OR2L13: variants seen among roughly 807,000 people sequenced by gnomAD.
OR2L13 encodes the protein olfactory receptor 2L13.
A neutral mutation model predicts 15.3 loss-of-function variants in OR2L13; 14 were observed. The ratio of observed to expected loss-of-function variants is 0.91; its 90% CI spans 0.60 to 1.43. The LOEUF (loss-of-function observed/expected upper bound fraction) is 1.43. Among genes scored for constraint, OR2L13 ranks in the 40% most tolerant of loss-of-function variants. OR2L13 has a pLI of 0.00. For synonymous variants in OR2L13, 152 were observed against 142.9 expected, an observed-to-expected ratio of 1.06 and a Z score of -0.45; for missense variants, 367 against 387.9, an observed-to-expected ratio of 0.95 and a Z score of 0.45.
chr1:247,975,716 C>G, the OR2L13 span: 6 of 588,096 alleles, frequency 1.0e-5, no homozygotes, highest in African/African-American at 9.6e-5. Flanking sequence ...TAGCAGTGTA[C>G]AGCAGTTACG....
chr1:248,052,872 T>C, the OR2L13 span, among the ~76,000 whole-genome samples: 1 of 152,184 alleles, frequency 6.6e-6, no homozygotes, highest in South Asian at 2.1e-4. Context: ...AAAAAAAATT[T>C]ATCATTTTAA....
chr1:247,941,628 A>C, the OR2L13 span, among the ~76,000 whole-genome samples: 4 of 152,130 alleles, frequency 2.6e-5, no homozygotes, highest in Admixed American at 1.3e-4. Flanking sequence ...CCGAATGGAG[A>C]GAGATAGAGA....
chr1:248,020,376 A>C, the OR2L13 span, among the ~76,000 whole-genome samples: 1 of 152,196 alleles, frequency 6.6e-6, no homozygotes, highest in African/African-American at 2.4e-5. Flanking sequence ...AATTCAGCCA[A>C]GTTTCATGAC....
At chr1:248,071,469 A>G in the OR2L13 span, among the ~76,000 whole-genome samples, 4 of 152,228 alleles carry the variant, frequency 2.6e-5, no homozygotes, top group African/African-American at 9.6e-5. Context: ...TATTGATGGG[A>G]CATATCTCAA....
the OR2L13 span, chr1:248,022,364 G>A: frequency 2.4e-4 from 395 of 1,614,034 alleles, no homozygotes; most frequent in Non-Finnish European, 3.2e-4. Flanking sequence ...GCAAAAGAAT[G>A]TATGTGCTGA....
chr1:248,100,290 G>C, exon 3 of OR2L13: 1 of 1,605,012 alleles, frequency 6.2e-7, no homozygotes, highest in South Asian at 1.1e-5. Flanking sequence ...GAGTGTTTGG[G>C]ATATTCTCTT....
At chr1:247,981,134 A>G in the OR2L13 span, among the ~76,000 whole-genome samples, 6 of 152,274 alleles carry the variant, frequency 3.9e-5, no homozygotes, top group Admixed American at 2.0e-4. Flanking sequence ...GCTAACTCAT[A>G]AATGTGTTTT....
At chr1:247,988,502 C>T in the OR2L13 span, among the ~76,000 whole-genome samples, 5,912 of 152,084 alleles carry the variant, frequency 0.039, 357 homozygotes, top group African/African-American at 0.13. Flanking sequence ...TTGCAGGTTT[C>T]TGATCATTTT....
chr1:248,074,919 A>T, the OR2L13 span, among the ~76,000 whole-genome samples: 9 of 152,142 alleles, frequency 5.9e-5, no homozygotes, highest in African/African-American at 1.9e-4. Context: ...TATGTGCACA[A>T]TGTGCAGGTT....
At chr1:247,954,155 G>T in the OR2L13 span, among the ~76,000 whole-genome samples, 1 of 152,250 alleles carries the variant, frequency 6.6e-6, no homozygotes, top group Non-Finnish European at 1.5e-5. Context: ...AGCGGGTGAG[G>T]TGGAGGTGAT....
At chr1:247,966,132 T>A in the OR2L13 span, 1 of 1,614,188 alleles carries the variant, frequency 6.2e-7, no homozygotes, top group Non-Finnish European at 8.5e-7. Context: ...GCCTGTTCTA[T>A]GCAACCACTC....
the OR2L13 span, among the ~76,000 whole-genome samples, chr1:247,960,385 T>A: frequency 1.3e-5 from 2 of 152,050 alleles, no homozygotes; most frequent in Non-Finnish European, 2.9e-5. Context: ...TACTCAGGGG[T>A]CAGGGACCCA....
chr1:248,060,717 C>G, the OR2L13 span: 1 of 1,613,852 alleles, frequency 6.2e-7, no homozygotes. Context: ...CTGATTTCAT[C>G]TTATTAGGAT....
At chr1:247,986,473 C>T in the OR2L13 span, among the ~76,000 whole-genome samples, 1 of 152,048 alleles carries the variant, frequency 6.6e-6, no homozygotes, top group Non-Finnish European at 1.5e-5. Context: ...TGGTCTATAT[C>T]TCTGTTTCGG....
chr1:248,100,046 T>C, exon 3 of OR2L13: 2 of 1,614,156 alleles, frequency 1.2e-6, no homozygotes, highest in Non-Finnish European at 1.7e-6. Flanking sequence ...CTATTTGCTG[T>C]CTATCATATG....
chr1:247,987,507 A>C, the OR2L13 span, among the ~76,000 whole-genome samples: 1 of 152,086 alleles, frequency 6.6e-6, no homozygotes, highest in African/African-American at 2.4e-5. Context: ...TAAATTCTTA[A>C]CCGTGATAGA....
the OR2L13 span, chr1:248,061,042 C>G: frequency 6.2e-7 from 1 of 1,613,950 alleles, no homozygotes; most frequent in African/African-American, 1.3e-5. Flanking sequence ...GGCCTATGAT[C>G]GTTACATTGC....
chr1:248,092,840 A>G (rs915441312), upstream of OR2L13, among the ~76,000 whole-genome samples: 1 of 152,134 alleles, frequency 6.6e-6, no homozygotes, highest in African/African-American at 2.4e-5. Flanking sequence ...AGTAACTTCC[A>G]TCTCTGCAGA....
the OR2L13 span, among the ~76,000 whole-genome samples, chr1:247,968,236 T>C: frequency 6.6e-6 from 1 of 152,208 alleles, no homozygotes; most frequent in Non-Finnish European, 1.5e-5. Context: ...TCAGAGAGTT[T>C]ATGTAACTTA....
Sources: gnomAD v4.1 joint callset for allele counts (sites outside exome capture counted in the v4.1 genomes callset) on GRCh38, gnomAD v4.1.1 for gene constraint, MANE v1.5 for transcripts, NCBI Gene and HGNC (gene_info 2026-07-23, HGNC 2026-07-21) for gene names.